ZNF385D: variants seen among roughly 807,000 people sequenced by gnomAD.
The protein encoded by ZNF385D is zinc finger protein 659.
A neutral mutation model predicts 35.8 loss-of-function variants in ZNF385D; 15 were observed. The ratio of observed to expected loss-of-function variants is 0.42; its 90% CI spans 0.28 to 0.64. ZNF385D has a LOEUF of 0.64. Ranked by LOEUF, ZNF385D falls within the 30% of genes least tolerant of loss-of-function variation. The pLI is 0.23. For missense variants in ZNF385D, 474 were observed against 494.6 expected (o/e 0.96, Z 0.39); for synonymous variants, 212 against 186.8 (o/e 1.13, Z -1.10).
intron 1 of ZNF385D, among the ~76,000 whole-genome samples, chr3:21,676,311 GC>G (rs2066721995): frequency 6.6e-6 from 1 of 152,066 alleles, no homozygotes; most frequent in Non-Finnish European, 1.5e-5. Flanking sequence ...AACATTCCCT[GC>G]GGAGCTGACT....
At chr3:21,945,448 C>G (rs1025128246) in intron 3 of ZNF385D, among the ~76,000 whole-genome samples, 1 of 152,122 alleles carries the variant, frequency 6.6e-6, no homozygotes, top group Non-Finnish European at 1.5e-5. Context: ...TTTCTACTCA[C>G]TAGCTGTGAA....
intron 3 of ZNF385D, among the ~76,000 whole-genome samples, chr3:21,550,241 A>G (rs909563865): frequency 1.1e-4 from 17 of 152,198 alleles, no homozygotes; most frequent in Non-Finnish European, 1.2e-4. Flanking sequence ...CATTTCCTTT[A>G]AACATCAATC....
intron 3 of ZNF385D, among the ~76,000 whole-genome samples, chr3:21,910,762 G>A (rs1342361385): frequency 1.3e-5 from 2 of 151,498 alleles, no homozygotes; most frequent in Non-Finnish European, 3.0e-5. Flanking sequence ...AGGCAGGACG[G>A]AATACAAAGA....
intron 2 of ZNF385D, among the ~76,000 whole-genome samples, chr3:22,271,294 G>A (rs1171810830): frequency 2.6e-5 from 4 of 151,958 alleles, no homozygotes; most frequent in African/African-American, 7.2e-5. Flanking sequence ...CAGAGATATA[G>A]AAGAAAAAGA....
Position 21,546,163 on chromosome 3 carries a change from A to G in ZNF385D, c.276+18411T>C, listed in dbSNP as rs568863522. On this transcript the variant is annotated intron_variant, in intron 3 of 7. Coordinates refer to ENST00000281523, the MANE Select transcript of ZNF385D (RefSeq NM_024697.3). ...TCTGTCATTAAATTTGAAACTCATT[A>G]GTTGTTTTTAAGTTTTTGCCTACAT... is the stretch of plus-strand genomic sequence containing the variant. Among the ~76,000 whole-genome samples the G allele has an allele frequency of 2.6e-5, 4 of 152,186 alleles. No homozygotes were observed. In the South Asian group the frequency reaches 8.3e-4, roughly 32 times the overall value.
At chr3:21,904,835 GA>G (rs1699591321) in intron 3 of ZNF385D, among the ~76,000 whole-genome samples, 1 of 152,092 alleles carries the variant, frequency 6.6e-6, no homozygotes, top group African/African-American at 2.4e-5. Context: ...GAGAAAATAA[GA>G]AAATGTTTGC....
At chr3:21,701,557 C>A (rs545644225) in intron 1 of ZNF385D, among the ~76,000 whole-genome samples, 24 of 152,200 alleles carry the variant, frequency 1.6e-4, no homozygotes, top group African/African-American at 5.8e-4. Context: ...CATTTCGAAA[C>A]CAATCATGCC....
At chr3:21,741,948 T>C (rs953253985) in intron 1 of ZNF385D, among the ~76,000 whole-genome samples, 4 of 152,158 alleles carry the variant, frequency 2.6e-5, no homozygotes, top group African/African-American at 9.7e-5. Flanking sequence ...GAAACCACAA[T>C]ACAAGAGGCT....
intron 2 of ZNF385D, among the ~76,000 whole-genome samples, chr3:21,582,157 G>C (rs1454147238): frequency 1.3e-5 from 2 of 152,158 alleles, no homozygotes; most frequent in Non-Finnish European, 2.9e-5. Context: ...CAGGTTTATT[G>C]AAATCTAATG....
At chr3:22,295,517 C>T (rs1001727244) in intron 2 of ZNF385D, among the ~76,000 whole-genome samples, 6 of 152,026 alleles carry the variant, frequency 3.9e-5, no homozygotes, top group Non-Finnish European at 8.8e-5. Flanking sequence ...AGGTGTATGG[C>T]TCAAATAATC....
intron 3 of ZNF385D, among the ~76,000 whole-genome samples, chr3:22,009,935 G>GA (rs398091346): frequency 9.5e-6 from 1 of 105,748 alleles, no homozygotes; most frequent in Non-Finnish European, 2.2e-5. Flanking sequence ...TAAAAGAAAT[G>GA]AAAAATATGA....
intron 3 of ZNF385D, among the ~76,000 whole-genome samples, chr3:21,518,757 A>G (rs1001593622): frequency 1.3e-5 from 2 of 152,294 alleles, no homozygotes; most frequent in Admixed American, 6.5e-5. Context: ...TCTATTTAAC[A>G]AAACATTTGA....
intron 2 of ZNF385D, among the ~76,000 whole-genome samples, chr3:21,588,400 A>G (rs1433169281): frequency 2.0e-5 from 3 of 151,466 alleles, no homozygotes; most frequent in Non-Finnish European, 4.4e-5. Context: ...ACAAATTCAT[A>G]TTTTATGATT....
At chr3:22,084,262 G>A (rs1437612918) in intron 3 of ZNF385D, among the ~76,000 whole-genome samples, 2 of 152,142 alleles carry the variant, frequency 1.3e-5, no homozygotes, top group Middle Eastern at 6.3e-3. Flanking sequence ...TGGGCTATAT[G>A]CTCAATTAAA....
At chr3:21,995,496 C>T (rs1161182380) in intron 3 of ZNF385D, among the ~76,000 whole-genome samples, 1 of 152,058 alleles carries the variant, frequency 6.6e-6, no homozygotes, top group Non-Finnish European at 1.5e-5. Flanking sequence ...TGAAGGTATG[C>T]ACAGGTGTAG....
intron 3 of ZNF385D, among the ~76,000 whole-genome samples, chr3:21,917,393 T>C (rs1197862717): frequency 6.6e-6 from 1 of 151,926 alleles, no homozygotes; most frequent in Non-Finnish European, 1.5e-5. Context: ...GATCGGGCCA[T>C]TGCACTCCAG....
chr3:21,978,931 T>C (rs926625992), intron 3 of ZNF385D, among the ~76,000 whole-genome samples: 2 of 152,176 alleles, frequency 1.3e-5, no homozygotes, highest in Non-Finnish European at 2.9e-5. Context: ...AAACAAAACA[T>C]ATTTTCTTCA....
chr3:22,328,959 C>A (rs1463687415), intron 2 of ZNF385D, among the ~76,000 whole-genome samples: 3 of 151,552 alleles, frequency 2.0e-5, no homozygotes, highest in Non-Finnish European at 4.4e-5. Context: ...CGCCTGTAGT[C>A]CCACCTACTT....
At chr3:22,066,531 CCTGT>C (rs1699969098) in intron 3 of ZNF385D, among the ~76,000 whole-genome samples, 2 of 38,198 alleles carry the variant, frequency 5.2e-5, no homozygotes, top group South Asian at 1.8e-3. Flanking sequence ...GAGATGGTTC[CCTGT>C]GTGTGTGTGT....
Sources: gnomAD v4.1 joint callset for allele counts (sites outside exome capture counted in the v4.1 genomes callset) on GRCh38, gnomAD v4.1.1 for gene constraint, MANE v1.5 for transcripts, NCBI Gene and HGNC (gene_info 2026-07-23, HGNC 2026-07-21) for gene names.